The following SLC16A2 variants were observed in gnomAD, a reference collection of about 807,000 sequenced individuals.
SLC16A2 encodes solute carrier family 16 member 2.
In SLC16A2, 3 loss-of-function variants were observed where a neutral mutation model predicts 27.2. That is an observed-to-expected ratio of 0.11 (90% CI 0.05 to 0.28). SLC16A2 has a LOEUF of 0.28. Ranked by LOEUF, SLC16A2 falls within the 10% of genes least tolerant of loss-of-function variation. The pLI is 1.00. For missense variants in SLC16A2, 295 were observed against 458.5 expected, an observed-to-expected ratio of 0.64 and a Z score of 3.26; for synonymous variants, 202 against 187.8, an observed-to-expected ratio of 1.08 and a Z score of -0.62.
At chrX:74,496,295 C>A (rs1929935793) in intron 1 of SLC16A2, among the ~76,000 whole-genome samples, 1 of 109,174 alleles carries the variant, frequency 9.2e-6, no homozygotes, top group Admixed American at 9.8e-5. Context: ...CACACACACA[C>A]CCCACAGGAG....
rs749347825 is a variant in SLC16A2 at position 74,421,803 on chromosome X, C to G, written c.166C>G (p.Gln56Glu). Residue 56 changes from glutamine (Q) to glutamate (E), a missense_variant, in exon 1 of 6, where the codon CAG (glutamine) becomes GAG (glutamate). Gln to Glu is a conservative substitution (Grantham distance 29). Around this residue, in one of 3 missense-constraint regions of SLC16A2, gnomAD observed 92 missense variants for 85.1 expected, o/e 1.08. Transcript: ENST00000587091. ...VPPPEPQPEPQPLPDPAPLPE... is the reference protein window; with the variant it reads ...VPPPEPQPEPEPLPDPAPLPE... ...CCCGCCCGAGCCCCAGCCGGAGCCC[C>G]AGCCCCTACCGGACCCCGCACCCCT... 8.6e-7 allele frequency: 1 copy of G among 1,161,774 alleles called. No individual in the cohort carries two copies. The highest frequency in any genetic ancestry group is 3.1e-5 in the East Asian group (1 of 32,003).
intron 1 of SLC16A2, among the ~76,000 whole-genome samples, chrX:74,458,942 C>G (rs1391031679): frequency 9.1e-6 from 1 of 109,628 alleles, no homozygotes; most frequent in Non-Finnish European, 1.9e-5. Context: ...CCATCTATGA[C>G]TCAGTGTTCA....
chrX:74,451,628 T>C (rs769340063), intron 1 of SLC16A2, among the ~76,000 whole-genome samples: 25 of 112,871 alleles, frequency 2.2e-4, no homozygotes, highest in African/African-American at 7.4e-4. Context: ...TGATGGGCCA[T>C]GAACTATGAA....
At chrX:74,432,368 A>T (rs1928549719) in intron 1 of SLC16A2, among the ~76,000 whole-genome samples, 1 of 111,910 alleles carries the variant, frequency 8.9e-6, no homozygotes, top group Non-Finnish European at 1.9e-5. Context: ...TCCAGAAAAC[A>T]GAGGCCACAG....
chrX:74,523,740 G>A (rs146490157), intron 2 of SLC16A2, among the ~76,000 whole-genome samples: 89 of 112,052 alleles, frequency 7.9e-4, no homozygotes, highest in Admixed American at 7.1e-3. Context: ...AATGATTCCC[G>A]CTGAGATCGT....
chrX:74,493,774 A>G (rs1282909932), intron 1 of SLC16A2, among the ~76,000 whole-genome samples: 1 of 111,588 alleles, frequency 9.0e-6, no homozygotes, highest in Non-Finnish European at 1.9e-5. Context: ...CAGGAGGTGC[A>G]GGTGCGTGCA....
intron 1 of SLC16A2, among the ~76,000 whole-genome samples, chrX:74,457,125 A>G (rs1478379708): frequency 9.0e-6 from 1 of 110,679 alleles, no homozygotes; most frequent in African/African-American, 3.3e-5. Flanking sequence ...TTAAAAAAAT[A>G]CTGATGTCCT....
rs41312138 is a variant in SLC16A2, at chrX:74,533,615, G to A, written c.*2062G>A. 1,105 of 112,510 alleles carry A rather than the reference G, an allele frequency of 9.8e-3. 7 individuals are homozygous for A. The highest frequency in any genetic ancestry group is 0.015 in the Non-Finnish European group (780 of 53,214). The allele number at this position is 112,510 out of a possible 1,213,427, so 9.3% of individuals were successfully genotyped here. On this transcript the variant is annotated 3_prime_UTR_variant, in exon 6 of 6. Coordinates refer to ENST00000587091, the MANE Select transcript of SLC16A2 (RefSeq NM_006517.5). The stretch of plus-strand genomic sequence containing the variant: ...GATGGCTCTTAAGAATCAGGCAGTC[G>A]CCCACTTCTCTCCAGATGAAGGGAA...
chrX:74,512,656 G>A (rs1274374183), intron 1 of SLC16A2, among the ~76,000 whole-genome samples: 1 of 112,351 alleles, frequency 8.9e-6, no homozygotes, highest in Non-Finnish European at 1.9e-5. Flanking sequence ...CAGCAGCCAA[G>A]GAGTGAGGAA....
chrX:74,461,139 T>C (rs1436667436), intron 1 of SLC16A2, among the ~76,000 whole-genome samples: 1 of 112,153 alleles, frequency 8.9e-6, no homozygotes, highest in African/African-American at 3.2e-5. Flanking sequence ...AATCTAACTA[T>C]AGTATTTCCC....
chrX:74,529,417 A>T lies in SLC16A2; in HGVS notation c.1375A>T (p.Met459Leu), dbSNP rs1244015830. The stretch of plus-strand genomic sequence containing the variant: ...CCTCCTGGGCATGATGGCCCTGCCA[A>T]TGATTGCTGGGCCCCCCATTGCAGG... ...GYLLGMMALPMIAGPPIAGLL... is the reference protein window; with the variant it reads ...GYLLGMMALPLIAGPPIAGLL... Residue 459 changes from methionine to leucine, a missense_variant, in exon 5 of 6, where the codon ATG becomes TTG. Met to Leu is a conservative substitution (Grantham distance 15). Around this residue, in one of 3 missense-constraint regions of SLC16A2, gnomAD observed 144 missense variants for 219.8 expected, o/e 0.66. Coordinates refer to ENST00000587091, the MANE Select transcript of SLC16A2 (RefSeq NM_006517.5). 5 of 1,180,617 alleles carry T rather than the reference A, an allele frequency of 4.2e-6. No homozygotes were observed. Among genetic ancestry groups the T allele is most frequent in the Non-Finnish European group, 5.7e-6 (5 of 877,734 alleles).
chrX:74,460,420 G>T (rs1374114792), intron 1 of SLC16A2, among the ~76,000 whole-genome samples: 2 of 111,553 alleles, frequency 1.8e-5, no homozygotes, highest in Non-Finnish European at 3.8e-5. Flanking sequence ...TTCACTCAGG[G>T]TCAGACTTAC....
At chrX:74,441,906 C>T (rs1199672184) in intron 1 of SLC16A2, among the ~76,000 whole-genome samples, 1 of 111,003 alleles carries the variant, frequency 9.0e-6, no homozygotes, top group Non-Finnish European at 1.9e-5. Flanking sequence ...GCTAGAGATG[C>T]CCCAGGAGTG....
intron 1 of SLC16A2, among the ~76,000 whole-genome samples, chrX:74,465,246 C>T (rs918290991): frequency 1.8e-4 from 20 of 111,537 alleles, no homozygotes; most frequent in Non-Finnish European, 2.4e-4. Flanking sequence ...TATATGGAAA[C>T]GAAGGATGAC....
At chrX:74,458,451 C>T (rs1035422082) in intron 1 of SLC16A2, among the ~76,000 whole-genome samples, 2 of 111,427 alleles carry the variant, frequency 1.8e-5, no homozygotes, top group Admixed American at 9.6e-5. Flanking sequence ...TTGGTTCAAG[C>T]GATTCTCCTG....
chrX:74,461,740 A>T lies in SLC16A2; in HGVS notation c.430+39673A>T, dbSNP rs768822580. ...ACAGAGGATTGGTGGCTCTGGTATC[A>T]TTACCAAATTTTAAAAATTGTAAGG... On this transcript the variant is annotated intron_variant, in intron 1 of 5. Transcript: ENST00000587091. Among the ~76,000 whole-genome samples the T allele has an allele frequency of 2.7e-5, 3 of 111,959 alleles. No individual in the cohort carries two copies. In the East Asian group the frequency reaches 8.5e-4, roughly 32 times the overall value.
intron 1 of SLC16A2, among the ~76,000 whole-genome samples, chrX:74,513,060 G>A (rs757304721): frequency 3.6e-5 from 4 of 111,631 alleles, no homozygotes; most frequent in Non-Finnish European, 7.5e-5. Context: ...CTGAGGAAAA[G>A]TGTGAATGGT....
intron 1 of SLC16A2, among the ~76,000 whole-genome samples, chrX:74,446,108 G>T (rs772676985): frequency 9.0e-6 from 1 of 110,752 alleles, no homozygotes; most frequent in African/African-American, 3.3e-5. Context: ...TGCTAGTTGC[G>T]GGTGCCAAGA....
At chrX:74,519,109 C>T (rs1482130958) in intron 1 of SLC16A2, among the ~76,000 whole-genome samples, 3 of 111,025 alleles carry the variant, frequency 2.7e-5, no homozygotes, top group African/African-American at 9.8e-5. Context: ...ATCCATTTTG[C>T]ATTGATTTTT....
Sources: gnomAD v4.1 joint callset for allele counts (sites outside exome capture counted in the v4.1 genomes callset) on GRCh38, gnomAD v4.1.1 for gene constraint, gnomAD v4.1.1 regional missense constraint, MANE v1.5 for transcripts, NCBI Gene and HGNC (gene_info 2026-07-23, HGNC 2026-07-21) for gene names.